CYP2C18: variants seen among roughly 807,000 people sequenced by gnomAD.
The protein encoded by CYP2C18 is cytochrome P450 family 2 subfamily C member 18.
In CYP2C18, 38 loss-of-function variants were observed where a neutral mutation model predicts 41.3. The ratio of observed to expected loss-of-function variants is 0.92; its 90% confidence interval spans 0.71 to 1.21. The LOEUF is 1.21. Ranked by LOEUF, CYP2C18 falls within the 50% of genes most tolerant of loss-of-function variation. The probability of loss-of-function intolerance (pLI) is 0.00; values close to 1 mark genes in which losing one functional copy is unlikely to be tolerated. For missense variants in CYP2C18, 635 were observed against 591.4 expected, an observed-to-expected ratio of 1.07 and a Z score of -0.77; for synonymous variants, 236 against 210.0, an observed-to-expected ratio of 1.12 and a Z score of -1.07.
At chr10:94,725,501 C>T (rs567283696) in intron 7 of CYP2C18, among the ~76,000 whole-genome samples, 3 of 152,042 alleles carry the variant, frequency 2.0e-5, no homozygotes, top group South Asian at 4.2e-4. Flanking sequence ...TCCAGGACAG[C>T]GTTGAATAAA....
At chr10:94,684,155 T>C (rs921909969) in intron 1 of CYP2C18, among the ~76,000 whole-genome samples, 168 bp downstream of exon 1, 7 of 152,190 alleles carry the variant, frequency 4.6e-5, no homozygotes, top group Admixed American at 2.0e-4. Context: ...ATCAGGGTAA[T>C]TAGCATATCC....
In CYP2C18 at chr10:94,687,874, AGAG is replaced by A; in HGVS notation, c.277_279del (p.Glu93del). Reference sequence around the variant, plus strand: ...TGAAGGAGGCCCTGATTGATCATGGAGAGGAGTTTTCTGGAAGAGGAAGTTTTC... The same window carrying A: ...TGAAGGAGGCCCTGATTGATCATGGAGAGTTTTCTGGAAGAGGAAGTTTTC... On this transcript the variant is annotated inframe_deletion, in exon 2 of 9. Transcript: ENST00000285979. The A allele has an allele frequency of 1.9e-6, 3 of 1,613,790 alleles. No individual in the cohort carries two copies. The highest frequency in any genetic ancestry group is 2.2e-5 in the East Asian group (1 of 44,872).
intron 3 of CYP2C18, 22 bp from the exon 4 acceptor site, chr10:94,694,895 T>C: frequency 6.2e-7 from 1 of 1,604,830 alleles, no homozygotes; most frequent in Non-Finnish European, 8.5e-7. Context: ...AATGGTAATT[T>C]AAAATATTTC....
intron 1 of CYP2C18, among the ~76,000 whole-genome samples, chr10:94,686,476 A>C (rs2134173231): frequency 6.6e-6 from 1 of 152,240 alleles, no homozygotes; most frequent in East Asian, 1.9e-4. Context: ...CAGAGGGGGC[A>C]TTCTTCTCTT....
At chr10:94,714,088 G>A (rs1368352759) in intron 5 of CYP2C18, among the ~76,000 whole-genome samples, 1 of 152,156 alleles carries the variant, frequency 6.6e-6, no homozygotes, top group Non-Finnish European at 1.5e-5. Flanking sequence ...CCCTTTGTCA[G>A]ATGAGTAGAT....
intron 1 of CYP2C18, among the ~76,000 whole-genome samples, chr10:94,684,512 C>T (rs1046081949): frequency 3.3e-5 from 5 of 152,044 alleles, no homozygotes; most frequent in South Asian, 4.1e-4. Context: ...TCATCCATGC[C>T]GTCATAAATA....
At chr10:94,697,485 A>C (rs1847140159) in intron 4 of CYP2C18, among the ~76,000 whole-genome samples, 2 of 152,246 alleles carry the variant, frequency 1.3e-5, no homozygotes, top group Non-Finnish European at 2.9e-5. Context: ...AGGAAGCACT[A>C]AACATGGAAA....
At position 94,695,868 on chromosome 10, in the gene CYP2C18, T is replaced by C. The variant is rs546826886; in HGVS notation, c.642+791T>C. 3.3e-5 allele frequency among the ~76,000 whole-genome samples: 5 copies of C among 152,204 alleles called. No individual in the cohort carries two copies. In the South Asian group the frequency reaches 1.0e-3, roughly 32 times the overall value. Reference sequence around the variant, plus strand: ...CATAGCTCAGAGGGTCCTACACCCATGAAACCTCACTCATTGATAGCACAG... The same window carrying C: ...CATAGCTCAGAGGGTCCTACACCCACGAAACCTCACTCATTGATAGCACAG... On this transcript the variant is annotated intron_variant, in intron 4 of 8. Coordinates refer to ENST00000285979, the MANE Select transcript of CYP2C18 (RefSeq NM_000772.3).
intron 3 of CYP2C18, among the ~76,000 whole-genome samples, chr10:94,693,766 C>T (rs1291748444): frequency 2.0e-5 from 3 of 152,144 alleles, no homozygotes; most frequent in Admixed American, 1.3e-4. Context: ...CCATCATTAC[C>T]GCACAACATT....
At chr10:94,704,749 A>G (rs879853738) in intron 4 of CYP2C18, among the ~76,000 whole-genome samples, 29 of 152,156 alleles carry the variant, frequency 1.9e-4, no homozygotes, top group Admixed American at 4.6e-4. Flanking sequence ...ATTTCTTAGT[A>G]TACATAGGCA....
Position 94,726,201 on chromosome 10 carries a change from ATT to A in CYP2C18, c.1149+1677_1149+1678del, listed in dbSNP as rs5787120. Among the ~76,000 whole-genome samples the A allele has an allele frequency of 3.1e-3, 473 of 150,528 alleles. 2 individuals carry two copies. Among genetic ancestry groups the A allele is most frequent in the African/African-American group, 0.011 (446 of 41,006 alleles). ...CACAGTCAAAAAAAATTTTTTTTCA[ATT>A]TTTTTTTTATTATACTTTAAGTTCT... On this transcript the variant is annotated intron_variant, in intron 7 of 8. Transcript: ENST00000285979.
At chr10:94,712,474 G>A (rs1042132450) in intron 5 of CYP2C18, among the ~76,000 whole-genome samples, 1 of 151,744 alleles carries the variant, frequency 6.6e-6, no homozygotes, top group African/African-American at 2.4e-5. Flanking sequence ...ACTTTACTTA[G>A]CATAATGTTC....
intron 5 of CYP2C18, among the ~76,000 whole-genome samples, chr10:94,714,415 T>C (rs1439620488): frequency 1.5e-4 from 23 of 152,208 alleles, no homozygotes; most frequent in Non-Finnish European, 2.9e-4. Flanking sequence ...GTTTTCCCAG[T>C]ACCATTTATT....
chr10:94,730,540 A>G (rs1474276061), intron 7 of CYP2C18, among the ~76,000 whole-genome samples: 1 of 152,134 alleles, frequency 6.6e-6, no homozygotes, highest in Non-Finnish European at 1.5e-5. Context: ...TTTGCTTCAT[A>G]ATTAGTGGTG....
At position 94,732,382 on chromosome 10, in the gene CYP2C18, A is replaced by T. The variant is rs115455048; in HGVS notation, c.1150-915A>T. ...TTATAGGCTCTTGGTGGGAATGTAA[A>T]TTAGTCCAGCTACTGTGGAAAGCAG... is the stretch of plus-strand genomic sequence containing the variant. On this transcript the variant is annotated intron_variant, in intron 7 of 8. Transcript: ENST00000285979. 4.7e-3 allele frequency among the ~76,000 whole-genome samples: 709 copies of T among 152,324 alleles called. 3 individuals are homozygous for T. Among genetic ancestry groups the T allele is most frequent in the African/African-American group, 0.017 (686 of 41,566 alleles).
At chr10:94,695,138 T>A in intron 4 of CYP2C18, 61 bp downstream of exon 4, 1 of 1,409,798 alleles carries the variant, frequency 7.1e-7, no homozygotes, top group South Asian at 1.3e-5. Flanking sequence ...GACAGTCCAA[T>A]TTTTTTAATT....
Position 94,683,754 on chromosome 10 carries a change from T to TAGGG in CYP2C18, c.-63_-60dup. ...AGAGTCAGAATCACAGGTGGATTAG[T>TAGGG]AGGGAGTGTTATAAAAGCCTTGAAG... On this transcript the variant is annotated 5_prime_UTR_variant, in exon 1 of 9. Transcript: ENST00000285979. The TAGGG allele has an allele frequency of 8.0e-7, 1 of 1,257,012 alleles. No individual in the cohort carries two copies. The highest frequency in any genetic ancestry group is 1.1e-6 in the Non-Finnish European group (1 of 913,886). 77.9% of individuals were successfully genotyped at this position (1,257,012 alleles called of 1,614,324 possible).
intron 3 of CYP2C18, among the ~76,000 whole-genome samples, chr10:94,693,679 A>T (rs1847058130): frequency 6.6e-6 from 1 of 152,178 alleles, no homozygotes; most frequent in Admixed American, 6.6e-5. Context: ...TGAAAACTTC[A>T]TCCCTTGGCA....
chr10:94,685,962 A>G (rs1053788921), intron 1 of CYP2C18, among the ~76,000 whole-genome samples: 3 of 152,054 alleles, frequency 2.0e-5, no homozygotes, highest in Admixed American at 2.0e-4. Flanking sequence ...ATTGCACTGA[A>G]TCTGTATATT....
Sources: gnomAD v4.1 joint callset for allele counts (sites outside exome capture counted in the v4.1 genomes callset) on GRCh38, gnomAD v4.1.1 for gene constraint, MANE v1.5 for transcripts, NCBI Gene and HGNC (gene_info 2026-07-23, HGNC 2026-07-21) for gene names.